The following SDK2 variants were observed in gnomAD, a reference collection of about 807,000 sequenced individuals.
SDK2 encodes protein sidekick-2.
Under a neutral mutation model 253.9 loss-of-function variants are expected in SDK2, and 105 were observed. That is an observed-to-expected ratio of 0.41 (90% CI 0.35 to 0.49). The LOEUF (loss-of-function observed/expected upper bound fraction) is 0.49, where lower values mean the gene tolerates loss of function less well. SDK2 is among the 20% of genes least tolerant of loss of function. The pLI is 0.06. For missense variants in SDK2, 2,608 were observed against 3,003.0 expected, an observed-to-expected ratio of 0.87 and a Z score of 3.07; for synonymous variants, 1,249 against 1,234.9, an observed-to-expected ratio of 1.01 and a Z score of -0.24.
At chr17:73,485,819 A>G (rs964374903) in intron 2 of SDK2, among the ~76,000 whole-genome samples, 4 of 152,258 alleles carry the variant, frequency 2.6e-5, no homozygotes, top group Admixed American at 2.0e-4. Flanking sequence ...GAAGGTTGCC[A>G]TAAACTGTGT....
At chr17:73,393,027 C>T (rs1055095692) in intron 27 of SDK2, among the ~76,000 whole-genome samples, 37 of 151,904 alleles carry the variant, frequency 2.4e-4, no homozygotes, top group Admixed American at 2.1e-3. Context: ...GGTGGATTGC[C>T]TGAGGTCAGG....
Position 73,361,661 on chromosome 17 carries a change from T to A in SDK2, c.5467+23A>T. The stretch of plus-strand genomic sequence containing the variant: ...ACGCTGAACCGCCGTGTGGAAGACA[T>A]GCCTGGTCCGTTGCTCTCCTACCTT... On this transcript the variant is annotated intron_variant, in intron 39 of 44. Transcript: ENST00000392650. This position sits in a 1 kb window ranked among gnomAD's most constrained non-coding sequence, Gnocchi z 4.1. 1.2e-6 allele frequency: 2 copies of A among 1,602,314 alleles called. No individual in the cohort carries two copies. Among genetic ancestry groups the A allele is most frequent in the Non-Finnish European group, 1.7e-6 (2 of 1,170,350 alleles).
At chr17:73,571,773 C>G (rs1289720511) in intron 1 of SDK2, among the ~76,000 whole-genome samples, 1 of 152,196 alleles carries the variant, frequency 6.6e-6, no homozygotes, top group Non-Finnish European at 1.5e-5. Context: ...AGCGCCCTGC[C>G]CTCCCCTGCC....
chr17:73,371,257 G>GT (rs1251180544), intron 36 of SDK2, among the ~76,000 whole-genome samples: 1 of 150,210 alleles, frequency 6.7e-6, no homozygotes, highest in Non-Finnish European at 1.5e-5. Flanking sequence ...TAGCACACAG[G>GT]TGGTCTTCCG....
chr17:73,605,408 G>C (rs1189825501), intron 1 of SDK2, among the ~76,000 whole-genome samples: 2 of 152,144 alleles, frequency 1.3e-5, no homozygotes, highest in Non-Finnish European at 2.9e-5. Flanking sequence ...GAAAGCACAG[G>C]GGGTGGAAAA....
intron 38 of SDK2, among the ~76,000 whole-genome samples, chr17:73,362,995 T>A (rs2062654255): frequency 6.6e-6 from 1 of 152,244 alleles, no homozygotes. Context: ...AGTGAGGGTG[T>A]CCACAGCATC....
chr17:73,457,062 C>T (rs886150918), intron 3 of SDK2, among the ~76,000 whole-genome samples: 2 of 152,180 alleles, frequency 1.3e-5, no homozygotes, highest in African/African-American at 4.8e-5. Flanking sequence ...TGTCCATGTT[C>T]AACTGTGAGG....
chr17:73,603,289 A>G (rs1178443522), intron 1 of SDK2, among the ~76,000 whole-genome samples: 1 of 152,184 alleles, frequency 6.6e-6, no homozygotes, highest in Non-Finnish European at 1.5e-5. Context: ...CTATCCTGGA[A>G]GTGACCATTG....
Position 73,435,379 on chromosome 17 carries a change from G to T in SDK2, c.1195+71C>A. 7.0e-7 allele frequency: 1 copy of T among 1,434,246 alleles called. No homozygotes were observed. Among genetic ancestry groups the T allele is most frequent in the Non-Finnish European group, 9.4e-7 (1 of 1,063,216 alleles). 88.8% of individuals were successfully genotyped at this position (1,434,246 alleles called of 1,614,324 possible). ...CGTGCTATGCACAAGAGGCCCCTCGGAAGACCTTGGAAGAAAGCTGCGTCC... is the reference window on the plus strand; with the variant it reads ...CGTGCTATGCACAAGAGGCCCCTCGTAAGACCTTGGAAGAAAGCTGCGTCC... On this transcript the variant is annotated intron_variant, in intron 9 of 44. Coordinates refer to ENST00000392650, the MANE Select transcript of SDK2 (RefSeq NM_001144952.2). The surrounding 1 kb of genome is among the most constrained non-coding windows in gnomAD (Gnocchi z 5.7).
intron 18 of SDK2, among the ~76,000 whole-genome samples, chr17:73,406,905 A>G (rs2063083842): frequency 6.6e-6 from 1 of 152,224 alleles, no homozygotes; most frequent in African/African-American, 2.4e-5. Context: ...AACTACGTTC[A>G]GTAATCATAG....
intron 2 of SDK2, among the ~76,000 whole-genome samples, chr17:73,493,793 C>CGG (rs2063823454): frequency 2.0e-5 from 3 of 152,328 alleles, no homozygotes; most frequent in Non-Finnish European, 4.4e-5. Context: ...TATGGATGGA[C>CGG]ATCCAGAGCT....
In SDK2 at chr17:73,358,588, G is replaced by A. The variant is rs182512598; in HGVS notation, c.5468-384C>T. ...CTATAAGGGCCTTTTGGAAGGTAAG[G>A]CTTGAAGGCTGTGTCCTGGATGGTG... On this transcript the variant is annotated intron_variant, in intron 39 of 44. Coordinates refer to ENST00000392650, the MANE Select transcript of SDK2 (RefSeq NM_001144952.2). 2.7e-3 allele frequency among the ~76,000 whole-genome samples: 418 copies of A among 152,248 alleles called. 3 individuals are homozygous for A. The highest frequency in any genetic ancestry group is 4.3e-3 in the Non-Finnish European group (293 of 68,014).
At chr17:73,477,665 TGAA>T (rs1042011274) in intron 2 of SDK2, among the ~76,000 whole-genome samples, 13 of 151,572 alleles carry the variant, frequency 8.6e-5, no homozygotes, top group African/African-American at 3.2e-4. Context: ...GAGAGGAGGG[TGAA>T]GCAGAGGCCC....
At chr17:73,434,797 A>AT (rs2063354281) in intron 9 of SDK2, among the ~76,000 whole-genome samples, 1 of 151,514 alleles carries the variant, frequency 6.6e-6, no homozygotes, top group African/African-American at 2.4e-5. Flanking sequence ...TGCCTGGCTA[A>AT]TTTTTTGTAT....
chr17:73,479,393 T>C (rs1240794313), intron 2 of SDK2, among the ~76,000 whole-genome samples: 1 of 152,212 alleles, frequency 6.6e-6, no homozygotes, highest in Non-Finnish European at 1.5e-5. Flanking sequence ...ACTGGGCCTG[T>C]TCCTGCAGCA....
rs2063723862 is a variant in SDK2, at chr17:73,481,524, G to A, written c.225-9306C>T. 6.6e-6 allele frequency among the ~76,000 whole-genome samples: 1 copy of A among 152,138 alleles called. No homozygotes were observed. The highest frequency in any genetic ancestry group is 2.4e-5 in the African/African-American group (1 of 41,420). On this transcript the variant is annotated intron_variant, in intron 2 of 44. Coordinates refer to ENST00000392650, the MANE Select transcript of SDK2 (RefSeq NM_001144952.2). This position sits in a 1 kb window ranked among gnomAD's most constrained non-coding sequence, Gnocchi z 4.5. ...TAAAGAAGAGAGAGACAGGGAGACA[G>A]AGAAACAGAGACAGAGAAAGAGAGA... is the stretch of plus-strand genomic sequence containing the variant.
At chr17:73,373,278 G>C (rs1278886752) in intron 36 of SDK2, among the ~76,000 whole-genome samples, 1 of 152,178 alleles carries the variant, frequency 6.6e-6, no homozygotes, top group Non-Finnish European at 1.5e-5. Context: ...CAGACACTCA[G>C]GCTATTTCCA....
rs769953506 is a variant in SDK2, at chr17:73,397,869, C to T, written c.3354+166G>A. 2.4e-4 allele frequency among the ~76,000 whole-genome samples: 36 copies of T among 152,158 alleles called. No individual in the cohort carries two copies. In the Middle Eastern group the frequency reaches 0.01, roughly 43 times the overall value. On this transcript the variant is annotated intron_variant, in intron 24 of 44. Transcript: ENST00000392650. ...TGAGCTCCTTCCTCTCATCGGCGGG[C>T]GGGGGGGCATTTGTTCGTTGGGCTA...
At chr17:73,601,253 C>T (rs2045835674) in intron 1 of SDK2, among the ~76,000 whole-genome samples, 1 of 152,034 alleles carries the variant, frequency 6.6e-6, no homozygotes, top group Admixed American at 6.6e-5. Flanking sequence ...CTCCTGACCT[C>T]AGGTGATCCA....
Sources: gnomAD v4.1 joint callset for allele counts (sites outside exome capture counted in the v4.1 genomes callset) on GRCh38, gnomAD v4.1.1 for gene constraint, Gnocchi (gnomAD v3.1) non-coding constraint, MANE v1.5 for transcripts, NCBI Gene and HGNC (gene_info 2026-07-23, HGNC 2026-07-21) for gene names.